Variants in ADGRV1 observed in about 807,000 individuals in gnomAD.
ADGRV1 encodes adhesion G protein-coupled receptor V1.
A neutral mutation model predicts 596.2 loss-of-function variants in ADGRV1; 359 were observed. The observed-to-expected ratio is 0.60, with a 90% CI of 0.55 to 0.66. The LOEUF is 0.66. Ranked by LOEUF, ADGRV1 falls within the 30% of genes least tolerant of loss-of-function variation. The pLI is 0.00. For missense variants in ADGRV1, 7,274 were observed against 7,575.6 expected (o/e 0.96, Z 1.48); for synonymous variants, 2,681 against 2,679.2 (o/e 1.00, Z -0.02).
chr5:91,081,137 TCCTCTCATGGATGAGAGAGAAC>T (rs1342940364), intron 86 of ADGRV1, among the ~76,000 whole-genome samples: 1 of 152,066 alleles, frequency 6.6e-6, no homozygotes, highest in Non-Finnish European at 1.5e-5. Context: ...TTTTGCTCTC[TCCTCTCATGGATGAGAGAGAAC>T]CCTCTCATGT....
At chr5:90,608,032 A>G (rs1234359807) in intron 1 of ADGRV1, among the ~76,000 whole-genome samples, 1 of 152,188 alleles carries the variant, frequency 6.6e-6, no homozygotes, top group Non-Finnish European at 1.5e-5. Context: ...GATACTGTTA[A>G]ATTCTTAGAA....
chr5:90,794,956 T>G (rs2150149326), intron 70 of ADGRV1, among the ~76,000 whole-genome samples: 1 of 152,230 alleles, frequency 6.6e-6, no homozygotes, highest in South Asian at 2.1e-4. Flanking sequence ...GCCCAGATAC[T>G]GTGCTTTCCC....
At chr5:90,802,958 A>C (rs1761534385) in intron 71 of ADGRV1, 76 bp downstream of exon 71, 2 of 1,276,776 alleles carry the variant, frequency 1.6e-6, no homozygotes, top group Non-Finnish European at 2.1e-6. Context: ...AGACTCTTAG[A>C]GCTAGAATTT....
chr5:90,667,981 C>A (rs1403561588), intron 21 of ADGRV1, among the ~76,000 whole-genome samples: 1 of 151,948 alleles, frequency 6.6e-6, no homozygotes. Flanking sequence ...AGATCTCCAG[C>A]TGCGTACTGG....
chr5:90,863,845 C>T lies in ADGRV1; in HGVS notation c.17844C>T (p.Ser5948=), dbSNP rs774577434. 4 of 1,608,956 alleles carry T rather than the reference C, an allele frequency of 2.5e-6. No homozygotes were observed. The highest frequency in any genetic ancestry group is 3.4e-6 in the Non-Finnish European group (4 of 1,175,538). The change falls in exon 83 of 90, where the codon AGC becomes AGT. Residue 5948 remains serine, a synonymous_variant. Transcript: ENST00000405460. ...TTCTGACTCACATGATGGCAGCCAG[C>T]TTAGGTACACAGGTAGGAGAGCGCT... ...AKLLTHMMAA[S]LGTQILFLAS...
At chr5:90,721,594 G>A (rs1280948365) in intron 45 of ADGRV1, among the ~76,000 whole-genome samples, 1 of 38,306 alleles carries the variant, frequency 2.6e-5, no homozygotes, top group Non-Finnish European at 6.1e-5. Context: ...AATAAAATAT[G>A]TATTTAGTGC....
At chr5:90,825,869 TA>T (rs1375825855) in intron 76 of ADGRV1, 5 of 152,196 alleles carry the variant, frequency 3.3e-5, no homozygotes, top group African/African-American at 4.8e-5. Context: ...AGAAAAAAAT[TA>T]GTCACACCTC....
chr5:91,074,070 C>A (rs951948), intron 86 of ADGRV1, among the ~76,000 whole-genome samples: 68,944 of 152,144 alleles, frequency 0.45, 17,282 homozygotes, highest in Non-Finnish European at 0.57. Context: ...ATAAATTCTA[C>A]TTTTTCACGG....
chr5:91,008,480 A>C (rs1562082540), intron 85 of ADGRV1, among the ~76,000 whole-genome samples: 1 of 151,982 alleles, frequency 6.6e-6, no homozygotes, highest in Non-Finnish European at 1.5e-5. Context: ...TAATCTACTT[A>C]ATTGTAAGTC....
chr5:90,647,708 A>G lies in ADGRV1; in HGVS notation c.3233A>G (p.Glu1078Gly). Residue 1078 changes from glutamate (E) to glycine (G), a missense_variant, in exon 17 of 90, where the codon GAA (glutamate) becomes GGA (glycine). By Grantham distance (98) the Glu-to-Gly change is moderately conservative (BLOSUM62 -2). This residue lies in a region of ADGRV1 where 1,715 missense variants were observed against 1,708.8 expected (regional missense o/e 1.00). Coordinates refer to ENST00000405460, the MANE Select transcript of ADGRV1 (RefSeq NM_032119.4). ...CAGAGCATATCCATATTTGTTAATGAAGATGGTATCCCGGAAACAGATGAG... is the reference window on the plus strand; with the variant it reads ...CAGAGCATATCCATATTTGTTAATGGAGATGGTATCCCGGAAACAGATGAG... Reference protein sequence around the residue: ...RQQSISIFVNEDGIPETDEPF... With the variant: ...RQQSISIFVNGDGIPETDEPF... The G allele has an allele frequency of 6.2e-7, 1 of 1,613,732 alleles. No homozygotes were observed. The highest frequency in any genetic ancestry group is 8.5e-7 in the Non-Finnish European group (1 of 1,179,628).
At chr5:90,917,653 C>CTT (rs1156319522) in intron 83 of ADGRV1, among the ~76,000 whole-genome samples, 3 of 152,144 alleles carry the variant, frequency 2.0e-5, no homozygotes, top group African/African-American at 2.4e-5. Flanking sequence ...ATTGAGAGAA[C>CTT]CAACTTCTTT....
intron 85 of ADGRV1, among the ~76,000 whole-genome samples, chr5:91,041,920 A>G (rs1247939572): frequency 6.6e-6 from 1 of 152,174 alleles, no homozygotes; most frequent in Non-Finnish European, 1.5e-5. Context: ...CCTTATCTAT[A>G]TTTAAGGAAA....
In ADGRV1 at chr5:90,810,416, G is replaced by GAAAATCT; in HGVS notation, c.15156_15157insAAAATCT (p.Glu5053LysfsTer3). Reference sequence around the variant, plus strand: ...CCACTGCAGGAAGCGCCAAGCCACTGGAAGATTTTGAGCCTGTTCAGAATG... The same window carrying GAAAATCT: ...CCACTGCAGGAAGCGCCAAGCCACTGAAAATCTGAAGATTTTGAGCCTGTTCAGAATG... On this transcript the variant is annotated frameshift_variant, in exon 74 of 90. Transcript: ENST00000405460. LOFTEE classifies it high-confidence loss of function. The GAAAATCT allele has an allele frequency of 1.2e-6, 2 of 1,613,836 alleles. No individual in the cohort carries two copies. The highest frequency in any genetic ancestry group is 1.1e-5 in the South Asian group (1 of 91,068).
At chr5:91,142,225 T>TA (rs1466678562) in intron 87 of ADGRV1, among the ~76,000 whole-genome samples, 1 of 152,186 alleles carries the variant, frequency 6.6e-6, no homozygotes, top group African/African-American at 2.4e-5. Flanking sequence ...ATTCCTTATT[T>TA]AACAAATATT....
In ADGRV1 at chr5:90,763,476, T is replaced by A. The variant is rs1252161844; in HGVS notation, c.12285+7T>A. On this transcript the variant is annotated splice_region_variant and intron_variant, in intron 59 of 89. Transcript: ENST00000405460. ...GACCCTTCATTTTGATGAGGTATAGTCAGCATTAGCACTCCTGTAATTTTT... is the reference window on the plus strand; with the variant it reads ...GACCCTTCATTTTGATGAGGTATAGACAGCATTAGCACTCCTGTAATTTTT... 1 of 1,603,474 alleles carries A rather than the reference T, an allele frequency of 6.2e-7. No individual in the cohort carries two copies. The highest frequency in any genetic ancestry group is 8.5e-7 in the Non-Finnish European group (1 of 1,173,310).
intron 25 of ADGRV1, among the ~76,000 whole-genome samples, chr5:90,677,875 C>CT (rs1288923734): frequency 2.6e-5 from 4 of 152,126 alleles, no homozygotes; most frequent in Admixed American, 6.6e-5. Flanking sequence ...TAGGGACTGT[C>CT]TAACATGTCA....
At chr5:91,048,256 G>A (rs1485342796) in intron 85 of ADGRV1, among the ~76,000 whole-genome samples, 1 of 152,236 alleles carries the variant, frequency 6.6e-6, no homozygotes, top group Non-Finnish European at 1.5e-5. Context: ...AGTACCTTCT[G>A]CCTGTCTCTG....
At chr5:90,692,068 A>G (rs530693880) in intron 31 of ADGRV1, among the ~76,000 whole-genome samples, 2 of 152,306 alleles carry the variant, frequency 1.3e-5, no homozygotes, top group Non-Finnish European at 1.5e-5. Flanking sequence ...TTTGAATGCT[A>G]ATTGTGCCAT....
intron 83 of ADGRV1, among the ~76,000 whole-genome samples, chr5:90,873,826 A>G (rs931425900): frequency 4.0e-5 from 6 of 151,474 alleles, no homozygotes; most frequent in Non-Finnish European, 7.4e-5. Flanking sequence ...ACCTTAGTTA[A>G]CCATATTTGG....
Sources: allele counts gnomAD v4.1 joint callset (sites outside exome capture counted in the v4.1 genomes callset), GRCh38; gene constraint gnomAD v4.1.1; regional missense constraint gnomAD v4.1.1; transcripts MANE v1.5; gene names NCBI Gene and HGNC (gene_info 2026-07-23, HGNC 2026-07-21).